PRRC2A: variants seen among roughly 807,000 people sequenced by gnomAD.
The protein encoded by PRRC2A is proline rich coiled-coil 2A.
In PRRC2A, 59 loss-of-function variants were observed where a neutral mutation model predicts 224.6. The observed-to-expected ratio is 0.26, with a 90% confidence interval of 0.21 to 0.33. The LOEUF (loss-of-function observed/expected upper bound fraction) is 0.33. Among genes scored for constraint, PRRC2A ranks in the 10% least tolerant of loss-of-function variants. The pLI, the probability that PRRC2A is intolerant of heterozygous loss-of-function variation, is 1.00. For synonymous variants in PRRC2A, 1,194 were observed against 1,109.5 expected (o/e 1.08, Z -1.51); for missense variants, 3,095 against 2,880.7 (o/e 1.07, Z -1.70).
Position 31,622,645 on chromosome 6 carries a change from TGATAATGC to T in PRRC2A, c.-100-44_-100-37del. On this transcript the variant is annotated intron_variant, in intron 1 of 30. Transcript: ENST00000376033. ...GAGGGCCTCATATCTGAGTCCCTAA[TGATAATGC>T]AATGGAGTTTTTAAGTTTCTGTTAT... The T allele has an allele frequency of 4.7e-6, 3 of 641,106 alleles. No individual in the cohort carries two copies. In the East Asian group the frequency reaches 8.1e-5, roughly 17 times the overall value. The allele number at this position is 641,106 out of a possible 1,614,324, so 39.7% of individuals were successfully genotyped here.
chr6:31,637,076 A>G lies in PRRC2A; in HGVS notation c.6182A>G (p.Tyr2061Cys). 1 of 1,609,882 alleles carries G rather than the reference A, an allele frequency of 6.2e-7. No homozygotes were observed. The highest frequency in any genetic ancestry group is 8.5e-7 in the Non-Finnish European group (1 of 1,178,506). ...HPVELKPFQD[Y>C]QKLSSNLGGP... ...GTGGAACTAAAGCCGTTCCAGGATTATCAAAAACTGAGCAGCAACCTTGGG... is the reference window on the plus strand; with the variant it reads ...GTGGAACTAAAGCCGTTCCAGGATTGTCAAAAACTGAGCAGCAACCTTGGG... Residue 2061 changes from tyrosine to cysteine, a missense_variant, in exon 29 of 31, where the codon TAT becomes TGT. Tyr to Cys is a radical substitution (Grantham distance 194). Around this residue, in one of 8 missense-constraint regions of PRRC2A, gnomAD observed 662 missense variants for 609.5 expected, o/e 1.09. Coordinates refer to ENST00000376033, the MANE Select transcript of PRRC2A (RefSeq NM_004638.4).
At position 31,632,989 on chromosome 6, in the gene PRRC2A, G is replaced by A. The variant is rs758975333; in HGVS notation, c.4316G>A (p.Arg1439Gln). 14 of 1,559,322 alleles carry A rather than the reference G, an allele frequency of 9.0e-6. No homozygotes were observed. The highest frequency in any genetic ancestry group is 1.2e-5 in the Non-Finnish European group (14 of 1,153,632). The change falls in exon 16 of 31, where the codon CGA (arginine) becomes CAA (glutamine). Residue 1439 changes from arginine (R) to glutamine (Q), a missense_variant. By Grantham distance (43) the Arg-to-Gln change is conservative (BLOSUM62 1). Coordinates refer to ENST00000376033, the MANE Select transcript of PRRC2A (RefSeq NM_004638.4). ...AGGAGCTGGCCCTCTCCCAAGAACCGAAGGTGGGTAGGAACAAACAAATTT... is the reference window on the plus strand; with the variant it reads ...AGGAGCTGGCCCTCTCCCAAGAACCAAAGGTGGGTAGGAACAAACAAATTT... Reference protein sequence around the residue: ...DKRSWPSPKNRSRPPEERPPG... With the variant: ...DKRSWPSPKNQSRPPEERPPG...
rs767687138 is a variant in PRRC2A at position 31,637,179 on chromosome 6, C to T, written c.6242+43C>T. The T allele has an allele frequency of 5.0e-6, 8 of 1,607,056 alleles. No individual in the cohort carries two copies. In the African/African-American group the frequency reaches 5.4e-5, roughly 11 times the overall value. On this transcript the variant is annotated intron_variant, in intron 29 of 30. Transcript: ENST00000376033. ...TGTGGACTTTCCAAGTGCTTCCTTA[C>T]TTTGGAACCAGGGTCTGGATCCTAG...
Position 31,636,986 on chromosome 6 carries a change from T to G in PRRC2A, c.6147+41T>G, listed in dbSNP as rs1777431193. 1.9e-6 allele frequency: 3 copies of G among 1,601,114 alleles called. No individual in the cohort carries two copies. The highest frequency in any genetic ancestry group is 4.5e-5 in the East Asian group (2 of 44,616). ...TGAGGGGCTAGGGAGCGCCAAGACT[T>G]GGGAGTAGGGATTCTGTATTTCAAG... On this transcript the variant is annotated intron_variant, in intron 28 of 30. Transcript: ENST00000376033. The surrounding 1 kb of genome is among the most constrained non-coding windows in gnomAD (Gnocchi z 4.3).
Position 31,631,340 on chromosome 6 carries a change from G to C in PRRC2A, c.2667G>C (p.Glu889Asp). ...PPPKKEPPKE[E>D]TAQLTGPEAG... is the part of the protein sequence containing the mutation. Reference sequence around the variant, plus strand: ...CCAAGAAGGAGCCCCCTAAGGAGGAGACTGCACAGCTGACGGGGCCAGAAG... The same window carrying C: ...CCAAGAAGGAGCCCCCTAAGGAGGACACTGCACAGCTGACGGGGCCAGAAG... The change falls in exon 16 of 31, where the codon GAG (glutamate) becomes GAC (aspartate). Residue 889 changes from glutamate to aspartate, a missense_variant. Physicochemically the swap from Glu to Asp is conservative, Grantham distance 45. Coordinates refer to ENST00000376033, the MANE Select transcript of PRRC2A (RefSeq NM_004638.4). This position sits in a 1 kb window ranked among gnomAD's most constrained non-coding sequence, Gnocchi z 4.5. 6.2e-7 allele frequency: 1 copy of C among 1,603,392 alleles called. No individual in the cohort carries two copies. The highest frequency in any genetic ancestry group is 8.5e-7 in the Non-Finnish European group (1 of 1,176,330).
rs760775759 is a variant in PRRC2A, at chr6:31,628,006, C to T, written c.1532C>T (p.Pro511Leu). 8.2e-7 allele frequency: 1 copy of T among 1,216,430 alleles called. No homozygotes were observed. The highest frequency in any genetic ancestry group is 1.1e-6 in the Non-Finnish European group (1 of 897,984). The allele number at this position is 1,216,430 out of a possible 1,614,324, so 75.4% of individuals were successfully genotyped here. A position where few individuals can be genotyped will look rare whatever the true frequency, so the allele number is the denominator to read the frequency against. ...DKRLKAEPAAPPAAPSTPAPP... is the reference protein window; with the variant it reads ...DKRLKAEPAALPAAPSTPAPP... ...CGGCTCAAAGCAGAGCCTGCTGCCC[C>T]ACCTGCTGCCCCTTCTACCCCAGCT... Residue 511 changes from proline to leucine, a missense_variant, in exon 12 of 31, where the codon CCA (proline) becomes CTA (leucine). Coordinates refer to ENST00000376033, the MANE Select transcript of PRRC2A (RefSeq NM_004638.4).
Position 31,625,052 on chromosome 6 carries a change from C to G in PRRC2A, c.464-119C>G, listed in dbSNP as rs987502341. The G allele has an allele frequency of 3.5e-6, 4 of 1,156,962 alleles. No individual in the cohort carries two copies. The African/African-American group carries it at 6.2e-5, about 18-fold the overall frequency. 71.7% of individuals were successfully genotyped at this position (1,156,962 alleles called of 1,614,324 possible). A position where few individuals can be genotyped will look rare whatever the true frequency, so the allele number is the denominator to read the frequency against. On this transcript the variant is annotated intron_variant, in intron 5 of 30. Transcript: ENST00000376033. The surrounding 1 kb of genome is among the most constrained non-coding windows in gnomAD (Gnocchi z 4.1). ...TGACCTCGTGATCCGCCCGCCTCAG[C>G]CTCCCAGAGTGCTGGGATTACAGGC...
Position 31,625,906 on chromosome 6 carries a change from CAGGGGAAGCTTATTGGGGG to C in PRRC2A, c.839+39_839+57del. 1 of 1,580,322 alleles carries C rather than the reference CAGGGGAAGCTTATTGGGGG, an allele frequency of 6.3e-7. No individual in the cohort carries two copies. The highest frequency in any genetic ancestry group is 8.7e-7 in the Non-Finnish European group (1 of 1,152,538). ...CCAGGTCTGGGTTTGTGGCTGGGGG[CAGGGGAAGCTTATTGGGGG>C]AGGAGATGGTTTTCTAGCCAGGAGG... On this transcript the variant is annotated intron_variant, in intron 8 of 30. Transcript: ENST00000376033. The surrounding 1 kb of genome is among the most constrained non-coding windows in gnomAD (Gnocchi z 4.1).
chr6:31,633,402 C>T lies in PRRC2A; in HGVS notation c.4343C>T (p.Pro1448Leu), dbSNP rs151200532. ...AGTCGTCCTCCAGAGGAGCGTCCCCCGGGGCTTCCCCTGCCTCCCCCACCT... is the reference window on the plus strand; with the variant it reads ...AGTCGTCCTCCAGAGGAGCGTCCCCTGGGGCTTCCCCTGCCTCCCCCACCT... Reference protein sequence around the residue: ...NRSRPPEERPPGLPLPPPPPS... With the variant: ...NRSRPPEERPLGLPLPPPPPS... Residue 1448 changes from proline (P) to leucine (L), a missense_variant, in exon 17 of 31, where the codon CCG becomes CTG. By Grantham distance (98) the Pro-to-Leu change is moderately conservative (BLOSUM62 -3). Around this residue, in one of 8 missense-constraint regions of PRRC2A, gnomAD observed 2,001 missense variants for 1,764.9 expected, o/e 1.13. Coordinates refer to ENST00000376033, the MANE Select transcript of PRRC2A (RefSeq NM_004638.4). 2.8e-4 allele frequency: 453 copies of T among 1,612,958 alleles called. No homozygotes were observed. Among genetic ancestry groups the T allele is most frequent in the Non-Finnish European group, 3.7e-4 (432 of 1,179,946 alleles).
At position 31,632,585 on chromosome 6, in the gene PRRC2A, C is replaced by T. The variant is rs770509957; in HGVS notation, c.3912C>T (p.Ala1304=). The stretch of plus-strand genomic sequence containing the variant: ...CCCCAGCACCTCGCCGGGCAGCTGC[C>T]AAGTCTCCTGATCTGTCAAACCAGA... The part of the protein sequence containing the change: ...TVAPAPRRAA[A]KSPDLSNQNS... Residue 1304 remains alanine, a synonymous_variant, in exon 16 of 31, where the codon GCC becomes GCT. Coordinates refer to ENST00000376033, the MANE Select transcript of PRRC2A (RefSeq NM_004638.4). 17 of 1,612,838 alleles carry T rather than the reference C, an allele frequency of 1.1e-5. No homozygotes were observed. Among genetic ancestry groups the T allele is most frequent in the Non-Finnish European group, 8.5e-6 (10 of 1,179,940 alleles).
At chr6:31,634,181 T>C (rs1777039001) in intron 18 of PRRC2A, 55 bp from the exon 19 acceptor site, 2 of 1,573,036 alleles carry the variant, frequency 1.3e-6, no homozygotes, top group African/African-American at 1.4e-5. Context: ...TGGCTTCCTA[T>C]AATTCCCAAT....
chr6:31,624,390 A>G (rs1388534268), intron 4 of PRRC2A, 30 bp downstream of exon 4: 2 of 1,609,680 alleles, frequency 1.2e-6, no homozygotes, highest in African/African-American at 2.7e-5. Flanking sequence ...GGTGGGGAGG[A>G]AGAATGGTTC....
Position 31,626,182 on chromosome 6 carries a change from C to A in PRRC2A, c.982+20C>A. The A allele has an allele frequency of 6.2e-7, 1 of 1,600,406 alleles. No individual in the cohort carries two copies. The highest frequency in any genetic ancestry group is 8.5e-7 in the Non-Finnish European group (1 of 1,174,552). On this transcript the variant is annotated intron_variant, in intron 9 of 30. Transcript: ENST00000376033. ...GGGCAGGTAAGTGGATATTAAGGGT[C>A]AAGAATTTGGATCTTGAAAGGCAAA...
Position 31,635,629 on chromosome 6 carries a change from C to T in PRRC2A, c.5421C>T (p.Ala1807=). The change falls in exon 24 of 31, where the codon GCC becomes GCT. Residue 1807 remains alanine (A), a synonymous_variant. Transcript: ENST00000376033. ...RDWELLPSAA[A]SAEPQSKNLD... ...GGGAGCTGCTTCCCAGTGCTGCTGC[C>T]TCTGCTGAGCCACAATCCAAGAACC... is the stretch of plus-strand genomic sequence containing the variant. The T allele has an allele frequency of 6.2e-7, 1 of 1,612,670 alleles. No homozygotes were observed. Among genetic ancestry groups the T allele is most frequent in the Non-Finnish European group, 8.5e-7 (1 of 1,179,820 alleles).
chr6:31,632,000 C>T lies in PRRC2A; in HGVS notation c.3327C>T (p.Gly1109=). ...KRRRQRGSET[G]SETHESDLAP... ...GCCGGCAGCGGGGCTCAGAAACAGG[C>T]AGCGAGACCCATGAGAGTGATCTGG... The change falls in exon 16 of 31, where the codon GGC becomes GGT. Residue 1109 remains glycine (G), a synonymous_variant. Transcript: ENST00000376033. The surrounding 1 kb of genome is among the most constrained non-coding windows in gnomAD (Gnocchi z 4.5). The T allele has an allele frequency of 6.2e-7, 1 of 1,610,984 alleles. No individual in the cohort carries two copies. Among genetic ancestry groups the T allele is most frequent in the Non-Finnish European group, 8.5e-7 (1 of 1,178,830 alleles).
At chr6:31,629,361 G>T in intron 13 of PRRC2A, 27 bp downstream of exon 13, 1 of 1,536,208 alleles carries the variant, frequency 6.5e-7, no homozygotes, top group Non-Finnish European at 8.7e-7. Flanking sequence ...TACCCTCTAA[G>T]GGCTGCTTTT....
At position 31,632,609 on chromosome 6, in the gene PRRC2A, G is replaced by A. The variant is rs1452859371; in HGVS notation, c.3936G>A (p.Gln1312=). The change falls in exon 16 of 31, where the codon CAG becomes CAA. Residue 1312 remains glutamine (Q), a synonymous_variant. Coordinates refer to ENST00000376033, the MANE Select transcript of PRRC2A (RefSeq NM_004638.4). The part of the protein sequence containing the change: ...AAAKSPDLSN[Q]NSDQANEEWE... ...CCAAGTCTCCTGATCTGTCAAACCA[G>A]AACTCAGACCAAGCCAATGAGGAAT... 1.2e-5 allele frequency: 19 copies of A among 1,613,058 alleles called. No homozygotes were observed. The highest frequency in any genetic ancestry group is 1.6e-5 in the Non-Finnish European group (19 of 1,180,040).
At chr6:31,621,465 C>T (rs752275956) in intron 1 of PRRC2A, among the ~76,000 whole-genome samples, 8 of 152,114 alleles carry the variant, frequency 5.3e-5, no homozygotes, top group Non-Finnish European at 1.2e-4. Context: ...GGCCTCTGCC[C>T]CCTTACTTCG....
In PRRC2A at chr6:31,631,671, A is replaced by C. The variant is rs199521668; in HGVS notation, c.2998A>C (p.Asn1000His). The C allele has an allele frequency of 1.3e-4, 199 of 1,513,498 alleles. No individual in the cohort carries two copies. Among genetic ancestry groups the C allele is most frequent in the Middle Eastern group, 5.4e-4 (3 of 5,600 alleles). The allele number at this position is 1,513,498 out of a possible 1,614,324, so 93.8% of individuals were successfully genotyped here. A position where few individuals can be genotyped will look rare whatever the true frequency, so the allele number is the denominator to read the frequency against. The change falls in exon 16 of 31, where the codon AAT becomes CAT. Residue 1000 changes from asparagine to histidine, a missense_variant. Asn to His is a moderately conservative substitution (Grantham distance 68, BLOSUM62 1). Transcript: ENST00000376033. The surrounding 1 kb of genome is among the most constrained non-coding windows in gnomAD (Gnocchi z 4.5). ...AGGGGGCCCCAAGGAGACCCCACCC[A>C]ATGGAAATCTTTCCCCTGCCCCAAG... Reference protein sequence around the residue: ...KLGGPKETPPNGNLSPAPRLR... With the variant: ...KLGGPKETPPHGNLSPAPRLR...
Sources: allele counts gnomAD v4.1 joint callset (sites outside exome capture counted in the v4.1 genomes callset), GRCh38; gene constraint gnomAD v4.1.1; regional missense constraint gnomAD v4.1.1; non-coding constraint Gnocchi (gnomAD v3.1); transcripts MANE v1.5; gene names NCBI Gene and HGNC (gene_info 2026-07-23, HGNC 2026-07-21).